The following RARS1 variants were observed in gnomAD, a reference collection of about 807,000 sequenced individuals.
The protein encoded by RARS1 is arginine--tRNA ligase, cytoplasmic.
A neutral mutation model predicts 78.7 loss-of-function variants in RARS1; 75 were observed. The observed-to-expected ratio is 0.95, with a 90% CI of 0.79 to 1.15. The LOEUF (loss-of-function observed/expected upper bound fraction) is 1.15, where lower values mean the gene tolerates loss of function less well. Ranked by LOEUF, RARS1 falls within the 50% of genes most tolerant of loss-of-function variation. The probability of loss-of-function intolerance (pLI) is 0.00; values close to 1 mark genes in which losing one functional copy is unlikely to be tolerated. For missense variants in RARS1, 787 were observed against 787.5 expected (o/e 1.00, Z 0.01); for synonymous variants, 273 against 268.2 (o/e 1.02, Z -0.18).
At chr5:168,515,569 G>A (rs527488148) in intron 12 of RARS1, among the ~76,000 whole-genome samples, 7 of 152,310 alleles carry the variant, frequency 4.6e-5, no homozygotes, top group South Asian at 4.1e-4. Context: ...TCCAGAGACC[G>A]TTATGTTTTC....
intron 13 of RARS1, among the ~76,000 whole-genome samples, chr5:168,517,320 T>C (rs531829072): frequency 9.2e-5 from 14 of 152,252 alleles, no homozygotes; most frequent in Non-Finnish European, 1.8e-4. Context: ...ATTTTGTATT[T>C]TTAGTGGAGA....
intron 2 of RARS1, among the ~76,000 whole-genome samples, chr5:168,489,090 G>A (rs912846981): frequency 6.6e-6 from 1 of 152,052 alleles, no homozygotes; most frequent in Non-Finnish European, 1.5e-5. Flanking sequence ...GCATCATCAC[G>A]GCTCAGTACA....
chr5:168,518,071 C>CTTTTTGTTTTTTTTTT lies in RARS1; in HGVS notation c.1873+14_1873+15insGTTTTTTTTTTTTTTT, dbSNP rs1758710395. 1.6e-6 allele frequency: 1 copy of CTTTTTGTTTTTTTTTT among 632,602 alleles called. No homozygotes were observed. Among genetic ancestry groups the CTTTTTGTTTTTTTTTT allele is most frequent in the Admixed American group, 1.1e-4 (1 of 8,944 alleles). 39.2% of individuals were successfully genotyped at this position (632,602 alleles called of 1,614,324 possible). A position where few individuals can be genotyped will look rare whatever the true frequency, so the allele number is the denominator to read the frequency against. On this transcript the variant is annotated intron_variant, in intron 14 of 14. Coordinates refer to ENST00000231572, the MANE Select transcript of RARS1 (RefSeq NM_002887.4). Reference sequence around the variant, plus strand: ...GAAAGATAGACAGACTGGTGAGTGTCTTTTTTTTTTTTTTTTTTTTTTTTA... The same window carrying CTTTTTGTTTTTTTTTT: ...GAAAGATAGACAGACTGGTGAGTGTCTTTTTGTTTTTTTTTTTTTTTTTTTTTTTTTTTTTTTTTTA...
intron 9 of RARS1, among the ~76,000 whole-genome samples, chr5:168,505,428 G>A (rs774136563): frequency 6.6e-6 from 1 of 151,966 alleles, no homozygotes; most frequent in African/African-American, 2.4e-5. Context: ...GTTTGTTTCC[G>A]GGACCTTGAA....
chr5:168,511,308 G>A (rs895518870), intron 12 of RARS1, among the ~76,000 whole-genome samples: 1 of 151,806 alleles, frequency 6.6e-6, no homozygotes, highest in Non-Finnish European at 1.5e-5. Flanking sequence ...GGCTGTAGGA[G>A]CATGGCACCA....
At chr5:168,516,515 A>T (rs1758669036) in intron 12 of RARS1, among the ~76,000 whole-genome samples, 2 of 152,224 alleles carry the variant, frequency 1.3e-5, no homozygotes, top group African/African-American at 4.8e-5. Flanking sequence ...ATACACTGGA[A>T]AAAGGTATTC....
At chr5:168,518,185 G>A (rs1758715953) in intron 14 of RARS1, 123 bp downstream of exon 14, 2 of 1,192,522 alleles carry the variant, frequency 1.7e-6, no homozygotes, top group African/African-American at 1.6e-5. Flanking sequence ...CTGGCCTCAA[G>A]TGATTCTCCC....
In RARS1 at chr5:168,494,117, G is replaced by A. The variant is rs1758135900; in HGVS notation, c.478+115G>A. The A allele has an allele frequency of 2.4e-6, 3 of 1,260,730 alleles. No homozygotes were observed. The African/African-American group carries it at 4.6e-5, about 19-fold the overall frequency. 78.1% of individuals were successfully genotyped at this position (1,260,730 alleles called of 1,614,324 possible). A position where few individuals can be genotyped will look rare whatever the true frequency, so the allele number is the denominator to read the frequency against. ...TAAACTTTGTATACTGAACAAGATG[G>A]TGAAAGCACTGTGGATTGTGATATA... On this transcript the variant is annotated intron_variant, in intron 4 of 14. Coordinates refer to ENST00000231572, the MANE Select transcript of RARS1 (RefSeq NM_002887.4).
intron 14 of RARS1, among the ~76,000 whole-genome samples, chr5:168,518,612 C>A (rs11749654): frequency 0.13 from 19,812 of 152,128 alleles, 1,721 homozygotes; most frequent in Non-Finnish European, 0.19. Flanking sequence ...TTGGAAAACA[C>A]TTGTTATCTT....
chr5:168,508,619 CAAAAAAAAAA>C (rs34579916), intron 11 of RARS1, among the ~76,000 whole-genome samples: 1 of 61,256 alleles, frequency 1.6e-5, no homozygotes, highest in African/African-American at 6.2e-5. Context: ...GACTCTGTCT[CAAAAAAAAAA>C]AAAAAAAAAA....
At chr5:168,517,066 C>T in intron 13 of RARS1, 116 bp downstream of exon 13, 1 of 1,087,734 alleles carries the variant, frequency 9.2e-7, no homozygotes, top group Non-Finnish European at 1.3e-6. Flanking sequence ...TCAAATGATC[C>T]TCCCACCTCA....
chr5:168,511,943 G>T (rs901575311), intron 12 of RARS1, among the ~76,000 whole-genome samples: 1 of 152,034 alleles, frequency 6.6e-6, no homozygotes, highest in African/African-American at 2.4e-5. Context: ...ATGGCTCACC[G>T]CATCTCGACC....
In RARS1 at chr5:168,505,932, A is replaced by T. The variant is rs929483948; in HGVS notation, c.1058-89A>T. On this transcript the variant is annotated intron_variant, in intron 9 of 14. Coordinates refer to ENST00000231572, the MANE Select transcript of RARS1 (RefSeq NM_002887.4). ...TATATTTCAAAATATTCTTAGAATAACTAAATATTTACATAGTAGAATGAG... is the reference window on the plus strand; with the variant it reads ...TATATTTCAAAATATTCTTAGAATATCTAAATATTTACATAGTAGAATGAG... 2.8e-6 allele frequency: 3 copies of T among 1,069,728 alleles called. No individual in the cohort carries two copies. In the Admixed American group the frequency reaches 7.4e-5, roughly 26 times the overall value. The allele number at this position is 1,069,728 out of a possible 1,614,324, so 66.3% of individuals were successfully genotyped here. A position where few individuals can be genotyped will look rare whatever the true frequency, so the allele number is the denominator to read the frequency against.
intron 13 of RARS1, among the ~76,000 whole-genome samples, chr5:168,517,610 C>A (rs988706653): frequency 5.9e-5 from 9 of 152,106 alleles, no homozygotes; most frequent in Non-Finnish European, 1.3e-4. Context: ...TCACCTGATC[C>A]CCTAAAAGAA....
chr5:168,502,640 C>T (rs568678460), intron 9 of RARS1, among the ~76,000 whole-genome samples: 5 of 144,126 alleles, frequency 3.5e-5, no homozygotes, highest in Admixed American at 7.2e-5. Flanking sequence ...GGCGTGATCT[C>T]GGCTGACTGC....
chr5:168,498,505 T>C lies in RARS1; in HGVS notation c.822+1157T>C, dbSNP rs1293331542. 2.0e-5 allele frequency among the ~76,000 whole-genome samples: 3 copies of C among 152,318 alleles called. No individual in the cohort carries two copies. In the South Asian group the frequency reaches 6.2e-4, roughly 32 times the overall value. ...ATCATTTATGATTTTAATATAGTTT[T>C]TGTATTATATTTAATATTGCAAACT... On this transcript the variant is annotated intron_variant, in intron 7 of 14. Coordinates refer to ENST00000231572, the MANE Select transcript of RARS1 (RefSeq NM_002887.4).
chr5:168,489,072 G>A (rs1758026256), intron 2 of RARS1, among the ~76,000 whole-genome samples: 1 of 152,108 alleles, frequency 6.6e-6, no homozygotes, highest in Non-Finnish European at 1.5e-5. Flanking sequence ...TCAGGCCAGA[G>A]TGTGGTGGCA....
At chr5:168,496,316 TAGC>T (rs1758184533) in intron 6 of RARS1, among the ~76,000 whole-genome samples, 1 of 145,218 alleles carries the variant, frequency 6.9e-6, no homozygotes, top group Admixed American at 7.0e-5. Flanking sequence ...GAGGCAGAGA[TAGC>T]AGTGAGCTGA....
Position 168,518,071 on chromosome 5 carries a change from C to CTTTTTTTTTTT in RARS1, c.1873+23_1873+33dup, listed in dbSNP as rs747777615. On this transcript the variant is annotated intron_variant, in intron 14 of 14. Transcript: ENST00000231572. ...GAAAGATAGACAGACTGGTGAGTGT[C>CTTTTTTTTTTT]TTTTTTTTTTTTTTTTTTTTTTTTA... The CTTTTTTTTTTT allele has an allele frequency of 2.6e-3, 1,971 of 748,072 alleles. 269 individuals carry two copies. Among genetic ancestry groups the CTTTTTTTTTTT allele is most frequent in the African/African-American group, 5.5e-3 (118 of 21,434 alleles). 46.3% of individuals were successfully genotyped at this position (748,072 alleles called of 1,614,324 possible). A position where few individuals can be genotyped will look rare whatever the true frequency, so the allele number is the denominator to read the frequency against.
Sources: gnomAD v4.1 joint callset for allele counts (sites outside exome capture counted in the v4.1 genomes callset) on GRCh38, gnomAD v4.1.1 for gene constraint, MANE v1.5 for transcripts, NCBI Gene and HGNC (gene_info 2026-07-23, HGNC 2026-07-21) for gene names.